Variants in MPPED2 observed in about 807,000 individuals in gnomAD.
The protein encoded by MPPED2 is metallophosphoesterase domain containing 2, also known as metallophosphoesterase MPPED2.
In MPPED2, 5 loss-of-function variants were observed where a neutral mutation model predicts 33.0. The observed-to-expected ratio is 0.15, with a 90% CI of 0.08 to 0.32. The LOEUF (loss-of-function observed/expected upper bound fraction) is 0.32, where lower values mean the gene tolerates loss of function less well. Among genes scored for constraint, MPPED2 ranks in the 10% least tolerant of loss-of-function variants. The probability of loss-of-function intolerance (pLI) is 1.00; values close to 1 mark genes in which losing one functional copy is unlikely to be tolerated. For synonymous variants in MPPED2, 136 were observed against 141.9 expected (o/e 0.96, Z 0.29); for missense variants, 275 against 372.1 (o/e 0.74, Z 2.15).
intron 1 of MPPED2, among the ~76,000 whole-genome samples, chr11:30,582,658 CCACCCAAGTT>C (rs1409812551): frequency 6.6e-6 from 1 of 151,998 alleles, no homozygotes; most frequent in African/African-American, 2.4e-5. Context: ...AGCATGATAC[CCACCCAAGTT>C]CTACTATTTG....
chr11:30,422,662 G>A (rs1187453114), intron 4 of MPPED2, among the ~76,000 whole-genome samples: 1 of 152,182 alleles, frequency 6.6e-6, no homozygotes, highest in Non-Finnish European at 1.5e-5. Flanking sequence ...AAAGGAGGAG[G>A]AGGGAATCCA....
At chr11:30,472,034 C>G (rs903178214) in intron 4 of MPPED2, among the ~76,000 whole-genome samples, 1 of 152,114 alleles carries the variant, frequency 6.6e-6, no homozygotes, top group Non-Finnish European at 1.5e-5. Flanking sequence ...CATTTGTGCA[C>G]AACATTTGGG....
At chr11:30,505,765 C>T (rs571741714) in intron 3 of MPPED2, among the ~76,000 whole-genome samples, 20 of 152,294 alleles carry the variant, frequency 1.3e-4, no homozygotes, top group Non-Finnish European at 2.6e-4. Flanking sequence ...CATGTTTATA[C>T]AACCTGAACT....
At chr11:30,497,004 C>T (rs1952294462) in intron 3 of MPPED2, among the ~76,000 whole-genome samples, 1 of 152,106 alleles carries the variant, frequency 6.6e-6, no homozygotes, top group South Asian at 2.1e-4. Flanking sequence ...GAAAATAACA[C>T]TGCAGAGAGA....
At chr11:30,580,900 T>C (rs1360653253) in intron 1 of MPPED2, among the ~76,000 whole-genome samples, 1 of 152,242 alleles carries the variant, frequency 6.6e-6, no homozygotes, top group African/African-American at 2.4e-5. Flanking sequence ...CACGTAATCA[T>C]TTGAAAGCTC....
At chr11:30,466,930 T>C (rs535561411) in intron 4 of MPPED2, among the ~76,000 whole-genome samples, 1 of 152,338 alleles carries the variant, frequency 6.6e-6, no homozygotes, top group African/African-American at 2.4e-5. Flanking sequence ...AGCCTCTGAA[T>C]TGAATACGTG....
downstream of MPPED2, among the ~76,000 whole-genome samples, chr11:30,407,300 G>A (rs1948005671): frequency 6.6e-6 from 1 of 152,188 alleles, no homozygotes; most frequent in Admixed American, 6.5e-5. Flanking sequence ...AGATTGCAAG[G>A]GCAGAGAGAT....
chr11:30,580,224 T>C, intron 2 of MPPED2, 22 bp downstream of exon 2: 2 of 1,595,158 alleles, frequency 1.3e-6, no homozygotes, highest in Non-Finnish European at 1.7e-6. Context: ...CTAATTTTGT[T>C]AAGTTCATAA....
At chr11:30,434,385 C>T (rs1016315969) in intron 4 of MPPED2, among the ~76,000 whole-genome samples, 1 of 152,086 alleles carries the variant, frequency 6.6e-6, no homozygotes, top group Non-Finnish European at 1.5e-5. Context: ...TCCACAATAG[C>T]CCCTGAACAG....
intron 5 of MPPED2, among the ~76,000 whole-genome samples, chr11:30,415,056 A>G (rs982861367): frequency 6.6e-6 from 1 of 152,176 alleles, no homozygotes; most frequent in South Asian, 2.1e-4. Context: ...AATGGAATCC[A>G]TACGCCTCAG....
chr11:30,567,807 A>T (rs992790853), intron 2 of MPPED2, among the ~76,000 whole-genome samples: 3 of 152,226 alleles, frequency 2.0e-5, no homozygotes, highest in Admixed American at 6.5e-5. Flanking sequence ...TAAAAGACAC[A>T]TCACTGAGAG....
chr11:30,392,993 G>T (rs901334723), intron 6 of MPPED2, among the ~76,000 whole-genome samples: 5 of 152,024 alleles, frequency 3.3e-5, no homozygotes, highest in Non-Finnish European at 7.4e-5. Flanking sequence ...TGTTCCTCTT[G>T]CTGGCCTCTT....
intron 3 of MPPED2, among the ~76,000 whole-genome samples, chr11:30,522,563 C>T (rs1419779139): frequency 1.3e-5 from 2 of 152,244 alleles, no homozygotes; most frequent in South Asian, 4.1e-4. Flanking sequence ...AATAATTAAT[C>T]AATGGAGGCC....
intron 4 of MPPED2, among the ~76,000 whole-genome samples, chr11:30,471,477 TG>T (rs1950941966): frequency 6.6e-6 from 1 of 152,232 alleles, no homozygotes; most frequent in Non-Finnish European, 1.5e-5. Context: ...TTGGGCATGC[TG>T]CCCTTTCTGC....
intron 2 of MPPED2, among the ~76,000 whole-genome samples, chr11:30,567,530 C>T (rs1017817852): frequency 1.3e-5 from 2 of 152,034 alleles, no homozygotes; most frequent in East Asian, 1.9e-4. Context: ...CCTCCAGTTT[C>T]TTATTCTCAT....
chr11:30,425,444 C>G (rs919504807), intron 4 of MPPED2: 3 of 152,184 alleles, frequency 2.0e-5, no homozygotes, highest in Non-Finnish European at 4.4e-5. Flanking sequence ...CCGCCCAGCC[C>G]TCTCAAGCAT....
chr11:30,491,968 A>G (rs914129502), intron 4 of MPPED2, among the ~76,000 whole-genome samples: 3 of 152,358 alleles, frequency 2.0e-5, no homozygotes, highest in East Asian at 3.9e-4. Flanking sequence ...GAGATGCTCA[A>G]TAGGAAATGG....
At chr11:30,555,600 A>C (rs2134666479) in intron 2 of MPPED2, among the ~76,000 whole-genome samples, 1 of 152,198 alleles carries the variant, frequency 6.6e-6, no homozygotes, top group Non-Finnish European at 1.5e-5. Context: ...ACAAGATCTG[A>C]TGGTTTTATA....
chr11:30,524,760 C>A (rs184247107), intron 3 of MPPED2, among the ~76,000 whole-genome samples: 1 of 152,156 alleles, frequency 6.6e-6, no homozygotes, highest in East Asian at 1.9e-4. Context: ...GTTCAGGTAC[C>A]TGGATTAATG....
Sources: allele counts gnomAD v4.1 joint callset (sites outside exome capture counted in the v4.1 genomes callset), GRCh38; gene constraint gnomAD v4.1.1; transcripts MANE v1.5; gene names NCBI Gene and HGNC (gene_info 2026-07-23, HGNC 2026-07-21).